INA: variants seen among roughly 807,000 people sequenced by gnomAD.
INA encodes alpha-internexin.
INA carries 35 observed loss-of-function variants against 40.1 expected under a neutral mutation model. That is an observed-to-expected ratio of 0.87 (90% CI 0.67 to 1.16). The LOEUF is 1.16. Among genes scored for constraint, INA ranks in the 50% most tolerant of loss-of-function variants. The pLI, the probability that INA is intolerant of heterozygous loss-of-function variation, is 0.00. For missense variants in INA, 594 were observed against 686.7 expected (o/e 0.87, Z 1.51); for synonymous variants, 290 against 316.9 (o/e 0.92, Z 0.90).
At chr10:103,279,882 C>G in intron 1 of INA, 2 of 1,195,502 alleles carry the variant, frequency 1.7e-6, no homozygotes, top group South Asian at 1.3e-5. Flanking sequence ...TGTACCCTAA[C>G]CCCTGGATGG....
chr10:103,287,475 C>A (rs1421831089), intron 2 of INA, among the ~76,000 whole-genome samples: 1 of 152,024 alleles, frequency 6.6e-6, no homozygotes, highest in Non-Finnish European at 1.5e-5. Flanking sequence ...TAGCTCACTC[C>A]TATAATCCCA....
intron 1 of INA, among the ~76,000 whole-genome samples, chr10:103,283,124 G>A (rs889358101): frequency 5.3e-5 from 8 of 152,196 alleles, no homozygotes; most frequent in African/African-American, 1.7e-4. Flanking sequence ...GAACTAAAAT[G>A]TAGAAAACTG....
At chr10:103,280,513 T>G (rs1412280660) in intron 1 of INA, 1 of 985,330 alleles carries the variant, frequency 1.0e-6, no homozygotes, top group East Asian at 1.1e-4. Context: ...AATGGGAGGC[T>G]GTTCTCCTTC....
At chr10:103,287,236 T>TTATTGGGCAATG in intron 2 of INA, 77 bp downstream of exon 2, 11 of 1,486,044 alleles carry the variant, frequency 7.4e-6, no homozygotes, top group Non-Finnish European at 9.1e-6. Context: ...GGATCTAGTC[T>TTATTGGGCAATG]CTCTGGCTTC....
At chr10:103,282,165 A>G (rs574452712) in intron 1 of INA, among the ~76,000 whole-genome samples, 4 of 152,350 alleles carry the variant, frequency 2.6e-5, no homozygotes, top group Non-Finnish European at 4.4e-5. Context: ...CTCTACAGTG[A>G]TCTGTAAAAT....
chr10:103,287,937 G>C (rs1157945848), intron 2 of INA, among the ~76,000 whole-genome samples: 1 of 152,080 alleles, frequency 6.6e-6, no homozygotes, highest in South Asian at 2.1e-4. Flanking sequence ...TCAAATCCAG[G>C]TTGAGTAAGA....
rs376346720 is a variant in INA, at chr10:103,278,869, AAC to A, written c.1065+608_1065+609del. On this transcript the variant is annotated intron_variant, in intron 1 of 2. Transcript: ENST00000369849. The surrounding 1 kb of genome is among the most constrained non-coding windows in gnomAD (Gnocchi z 4.9). ...ACCACCCTGCTCTACCCACCTCCCC[AAC>A]ACACACACACACACGATTCCCTTGT... Among the ~76,000 whole-genome samples the A allele has an allele frequency of 1.5e-4, 19 of 125,100 alleles. No homozygotes were observed. Among genetic ancestry groups the A allele is most frequent in the African/African-American group, 2.3e-4 (8 of 34,696 alleles). The allele number at this position is 125,100 out of a possible 152,430, so 82.1% of individuals were successfully genotyped here.
intron 1 of INA, among the ~76,000 whole-genome samples, chr10:103,284,711 G>A (rs980361236): frequency 8.6e-5 from 13 of 151,414 alleles, no homozygotes; most frequent in African/African-American, 2.7e-4. Context: ...CTGAGATTGC[G>A]CCACTGCACT....
In INA at chr10:103,278,296, G is replaced by C. The variant is rs1487078347; in HGVS notation, c.1065+20G>C. The stretch of plus-strand genomic sequence containing the variant: ...TACCAGGTAAGGGCCGGGGCTGGGC[G>C]TGGGGAGGGGTGCCCTGCCCTCTTC... On this transcript the variant is annotated intron_variant, in intron 1 of 2. Transcript: ENST00000369849. This position sits in a 1 kb window ranked among gnomAD's most constrained non-coding sequence, Gnocchi z 4.9. The C allele has an allele frequency of 2.7e-6, 4 of 1,500,660 alleles. No homozygotes were observed. In the Admixed American group the frequency reaches 6.1e-5, roughly 23 times the overall value. The allele number at this position is 1,500,660 out of a possible 1,614,324, so 93.0% of individuals were successfully genotyped here. A position where few individuals can be genotyped will look rare whatever the true frequency, so the allele number is the denominator to read the frequency against.
Position 103,277,154 on chromosome 10 carries a change from C to T in INA, c.-58C>T. Reference sequence around the variant, plus strand: ...CCCCGCCGCGCCCTGCCTGCCGCACCTCTCCTTTCTTCTGTAGCTCGCGTT... The same window carrying T: ...CCCCGCCGCGCCCTGCCTGCCGCACTTCTCCTTTCTTCTGTAGCTCGCGTT... On this transcript the variant is annotated 5_prime_UTR_variant, in exon 1 of 3. Coordinates refer to ENST00000369849, the MANE Select transcript of INA (RefSeq NM_032727.4). The surrounding 1 kb of genome is among the most constrained non-coding windows in gnomAD (Gnocchi z 5.6). 3 of 1,494,538 alleles carry T rather than the reference C, an allele frequency of 2.0e-6. No individual in the cohort carries two copies. The highest frequency in any genetic ancestry group is 1.5e-5 in the African/African-American group (1 of 68,142). 92.6% of individuals were successfully genotyped at this position (1,494,538 alleles called of 1,614,324 possible).
At chr10:103,288,309 G>C (rs757655908) in intron 2 of INA, 51 bp from the exon 3 acceptor site, 8 of 1,487,164 alleles carry the variant, frequency 5.4e-6, no homozygotes, top group Middle Eastern at 1.9e-4. Context: ...TTGAGTTCTG[G>C]GGGGGAAAAG....
intron 1 of INA, among the ~76,000 whole-genome samples, chr10:103,283,421 A>T (rs566816465): frequency 7.0e-4 from 106 of 152,286 alleles, no homozygotes; most frequent in African/African-American, 2.5e-3. Context: ...AAATCTCTTT[A>T]AGGCCTCATG....
chr10:103,285,192 CT>C (rs1408147984), intron 1 of INA, among the ~76,000 whole-genome samples: 1 of 152,154 alleles, frequency 6.6e-6, no homozygotes, highest in Non-Finnish European at 1.5e-5. Flanking sequence ...CCATATTGGT[CT>C]GGCTGGTCTC....
chr10:103,277,544 G>T lies in INA; in HGVS notation c.333G>T (p.Lys111Asn). 6.3e-7 allele frequency: 1 copy of T among 1,585,484 alleles called. No individual in the cohort carries two copies. Among genetic ancestry groups the T allele is most frequent in the Non-Finnish European group, 8.5e-7 (1 of 1,170,186 alleles). Residue 111 changes from lysine to asparagine, a missense_variant, in exon 1 of 3, where the codon AAG (lysine) becomes AAT (asparagine). Lys to Asn is a moderately conservative substitution (Grantham distance 94, BLOSUM62 0). Transcript: ENST00000369849. The surrounding 1 kb of genome is among the most constrained non-coding windows in gnomAD (Gnocchi z 5.6). The stretch of plus-strand genomic sequence containing the variant: ...ACCGCTTCGCCGTGTTCATCGAGAA[G>T]GTGCATCAGCTGGAGACGCAGAACC... ...LNDRFAVFIE[K>N]VHQLETQNRA...
Position 103,277,150 on chromosome 10 carries a change from G to T in INA, c.-62G>T, listed in dbSNP as rs76287008. On this transcript the variant is annotated 5_prime_UTR_variant, in exon 1 of 3. Transcript: ENST00000369849. The surrounding 1 kb of genome is among the most constrained non-coding windows in gnomAD (Gnocchi z 5.6). ...ACCGCCCCGCCGCGCCCTGCCTGCC[G>T]CACCTCTCCTTTCTTCTGTAGCTCG... 3.1e-4 allele frequency: 465 copies of T among 1,484,090 alleles called. 1 individual carries two copies. In the African/African-American group the frequency reaches 3.7e-3, roughly 12 times the overall value. 91.9% of individuals were successfully genotyped at this position (1,484,090 alleles called of 1,614,324 possible).
Position 103,288,612 on chromosome 10 carries a change from T to G in INA, c.1443T>G (p.Thr481=). 1 of 1,600,050 alleles carries G rather than the reference T, an allele frequency of 6.2e-7. No individual in the cohort carries two copies. The highest frequency in any genetic ancestry group is 8.5e-7 in the Non-Finnish European group (1 of 1,175,840). The change falls in exon 3 of 3, where the codon ACT becomes ACG. Residue 481 remains threonine (T), a synonymous_variant. Transcript: ENST00000369849. ...EEILEETVIS[T]KKTEKSNIEE... Reference sequence around the variant, plus strand: ...TATTAGAGGAGACAGTAATATCTACTAAGAAAACCGAGAAATCAAATATAG... The same window carrying G: ...TATTAGAGGAGACAGTAATATCTACGAAGAAAACCGAGAAATCAAATATAG...
chr10:103,277,631 C>G lies in INA; in HGVS notation c.420C>G (p.Gly140=), dbSNP rs753321500. The change falls in exon 1 of 3, where the codon GGC becomes GGG. Residue 140 remains glycine (G), a synonymous_variant. Coordinates refer to ENST00000369849, the MANE Select transcript of INA (RefSeq NM_032727.4). This position sits in a 1 kb window ranked among gnomAD's most constrained non-coding sequence, Gnocchi z 5.6. ...RQRHAEPSRV[G]ELFQRELRDL... ...GCCACGCTGAGCCGTCGCGCGTCGG[C>G]GAGCTCTTCCAGCGCGAGCTGCGCG... 6.8e-7 allele frequency: 1 copy of G among 1,465,804 alleles called. No individual in the cohort carries two copies. The highest frequency in any genetic ancestry group is 9.0e-7 in the Non-Finnish European group (1 of 1,114,148). The allele number at this position is 1,465,804 out of a possible 1,614,324, so 90.8% of individuals were successfully genotyped here.
chr10:103,279,421 G>A (rs1328220320), intron 1 of INA, among the ~76,000 whole-genome samples: 2 of 152,186 alleles, frequency 1.3e-5, no homozygotes, highest in Non-Finnish European at 2.9e-5. Context: ...AAAGGCCACT[G>A]TGTCTTCAGT....
chr10:103,280,216 G>C (rs1339770630), intron 1 of INA: 2 of 985,294 alleles, frequency 2.0e-6, no homozygotes, highest in Non-Finnish European at 2.4e-6. Flanking sequence ...GCAGCTCTGC[G>C]GTGCTGCCCC....
Sources: allele counts gnomAD v4.1 joint callset (sites outside exome capture counted in the v4.1 genomes callset), GRCh38; gene constraint gnomAD v4.1.1; non-coding constraint Gnocchi (gnomAD v3.1); transcripts MANE v1.5; gene names NCBI Gene and HGNC (gene_info 2026-07-23, HGNC 2026-07-21).